The following PDE10A variants were observed in gnomAD, a reference collection of about 807,000 sequenced individuals.
The protein encoded by PDE10A is cAMP and cAMP-inhibited cGMP 3',5'-cyclic phosphodiesterase 10A.
A neutral mutation model predicts 97.7 loss-of-function variants in PDE10A; 39 were observed. The observed-to-expected ratio is 0.40, with a 90% confidence interval of 0.31 to 0.52. PDE10A has a LOEUF of 0.52. Ranked by LOEUF, PDE10A falls within the 20% of genes least tolerant of loss-of-function variation. The pLI, the probability that PDE10A is intolerant of heterozygous loss-of-function variation, is 0.56. For missense variants in PDE10A, 731 were observed against 1,047.8 expected, an observed-to-expected ratio of 0.70 and a Z score of 4.17; for synonymous variants, 371 against 376.8, an observed-to-expected ratio of 0.98 and a Z score of 0.18.
chr6:165,531,316 C>T (rs9364800), intron 2 of PDE10A, among the ~76,000 whole-genome samples: 104,371 of 150,732 alleles, frequency 0.69, 39,421 homozygotes, highest in Non-Finnish European at 0.83. Context: ...GCAAGCGTTA[C>T]GCACATACTA....
chr6:165,736,798 A>C (rs1792586131), intron 1 of PDE10A, among the ~76,000 whole-genome samples: 1 of 152,230 alleles, frequency 6.6e-6, no homozygotes, highest in Non-Finnish European at 1.5e-5. Flanking sequence ...GGAAGGAAAT[A>C]ATAAAGATCA....
intron 1 of PDE10A, among the ~76,000 whole-genome samples, chr6:165,897,345 A>G (rs1781980311): frequency 6.6e-6 from 1 of 152,038 alleles, no homozygotes; most frequent in South Asian, 2.1e-4. Context: ...CTGGGGAGGG[A>G]TGCCATACAG....
chr6:165,408,139 C>G (rs220770), intron 13 of PDE10A, among the ~76,000 whole-genome samples: 79,927 of 151,972 alleles, frequency 0.53, 21,412 homozygotes, highest in Middle Eastern at 0.69. Context: ...GCTTCTATTA[C>G]GGACACAATA....
intron 13 of PDE10A, among the ~76,000 whole-genome samples, chr6:165,405,083 A>AT (rs3834305): frequency 0.37 from 55,581 of 151,198 alleles, 10,370 homozygotes; most frequent in Middle Eastern, 0.39. Context: ...CTGGGAACAA[A>AT]TTAAAAAAAA....
At chr6:165,410,371 G>C (rs530274213) in intron 13 of PDE10A, among the ~76,000 whole-genome samples, 13 of 152,168 alleles carry the variant, frequency 8.5e-5, no homozygotes, top group Non-Finnish European at 1.5e-4. Context: ...ATTAATGGAA[G>C]CAATTCTTAC....
Position 165,711,416 on chromosome 6 carries a change from G to T in PDE10A, c.-614-167848C>A, listed in dbSNP as rs1190775516. The stretch of plus-strand genomic sequence containing the variant: ...CTAATGCTTGATTCAGAGCCACGGA[G>T]ACCAGAAATTCATGTTAGCTAGAAC... On this transcript the variant is annotated intron_variant, in intron 1 of 19. Transcript: ENST00000366882. This position sits in a 1 kb window ranked among gnomAD's most constrained non-coding sequence, Gnocchi z 4.5. Among the ~76,000 whole-genome samples, 1 of 152,166 alleles carries T rather than the reference G, an allele frequency of 6.6e-6. No homozygotes were observed. Among genetic ancestry groups the T allele is most frequent in the Non-Finnish European group, 1.5e-5 (1 of 68,046 alleles).
intron 1 of PDE10A, among the ~76,000 whole-genome samples, chr6:165,962,985 C>T (rs1231256104): frequency 5.3e-5 from 8 of 152,220 alleles, no homozygotes; most frequent in South Asian, 2.1e-4. Context: ...CACCCACACG[C>T]GTGGTTGTAA....
chr6:165,625,958 G>A (rs1438327570), intron 1 of PDE10A, among the ~76,000 whole-genome samples: 1 of 152,180 alleles, frequency 6.6e-6, no homozygotes, highest in Admixed American at 6.5e-5. Context: ...ATCAACTTGT[G>A]AGTTATCAGT....
At chr6:165,683,389 T>A (rs117361512) in intron 1 of PDE10A, among the ~76,000 whole-genome samples, 1,702 of 152,042 alleles carry the variant, frequency 0.011, 11 homozygotes, top group Non-Finnish European at 0.015. Context: ...CAACAAAAAG[T>A]GTGTGTGCAG....
intron 1 of PDE10A, among the ~76,000 whole-genome samples, chr6:165,763,216 T>C (rs1227345489): frequency 1.3e-5 from 2 of 152,200 alleles, no homozygotes; most frequent in African/African-American, 4.8e-5. Context: ...TCATCAACCC[T>C]CTGTGGTGCC....
At chr6:165,818,120 C>T (rs904768611) in intron 1 of PDE10A, among the ~76,000 whole-genome samples, 1 of 152,218 alleles carries the variant, frequency 6.6e-6, no homozygotes, top group African/African-American at 2.4e-5. Flanking sequence ...TGAAAGGACA[C>T]AGATCCTGCT....
chr6:165,664,086 A>C (rs951044579), upstream of PDE10A, among the ~76,000 whole-genome samples: 13 of 152,102 alleles, frequency 8.5e-5, no homozygotes, highest in Non-Finnish European at 1.5e-4. Flanking sequence ...GGCTGTCCGG[A>C]CTGCCTGGAC....
At chr6:165,742,947 C>T (rs982609606) in intron 1 of PDE10A, among the ~76,000 whole-genome samples, 13 of 152,198 alleles carry the variant, frequency 8.5e-5, no homozygotes, top group African/African-American at 2.9e-4. Context: ...ACTGATGCTC[C>T]TCCTGATGAG....
At chr6:165,417,329 C>T (rs180734634) in intron 11 of PDE10A, among the ~76,000 whole-genome samples, 4 of 151,900 alleles carry the variant, frequency 2.6e-5, no homozygotes, top group African/African-American at 9.7e-5. Flanking sequence ...TGCTTCTTTG[C>T]GTTGGTCTGA....
chr6:165,734,100 A>T (rs1209023414), intron 1 of PDE10A, among the ~76,000 whole-genome samples: 1 of 152,228 alleles, frequency 6.6e-6, no homozygotes, highest in Non-Finnish European at 1.5e-5. Context: ...AGAAGGACCC[A>T]TCTGCTGGAA....
intron 1 of PDE10A, among the ~76,000 whole-genome samples, chr6:165,553,488 TA>T (rs1213796430): frequency 1.3e-5 from 2 of 152,318 alleles, no homozygotes; most frequent in African/African-American, 4.8e-5. Context: ...ATATATCACC[TA>T]AAATCATTTC....
intron 1 of PDE10A, among the ~76,000 whole-genome samples, chr6:165,755,406 G>C (rs1358874711): frequency 1.3e-5 from 2 of 152,218 alleles, no homozygotes; most frequent in Admixed American, 6.5e-5. Flanking sequence ...CTGGGGAAAT[G>C]TCTTTGAAAT....
chr6:165,746,385 C>T (rs555259410), intron 1 of PDE10A, among the ~76,000 whole-genome samples: 1 of 152,304 alleles, frequency 6.6e-6, no homozygotes, highest in South Asian at 2.1e-4. Context: ...GCACAGAATC[C>T]TGGGAATAGC....
chr6:165,758,720 TGAG>T (rs1435818452), intron 1 of PDE10A, among the ~76,000 whole-genome samples: 2 of 145,002 alleles, frequency 1.4e-5, no homozygotes, highest in East Asian at 2.1e-4. Flanking sequence ...GGGAGGAGGA[TGAG>T]GAGGAGGAGG....
Sources: allele counts gnomAD v4.1 joint callset (sites outside exome capture counted in the v4.1 genomes callset), GRCh38; gene constraint gnomAD v4.1.1; non-coding constraint Gnocchi (gnomAD v3.1); transcripts MANE v1.5; gene names NCBI Gene and HGNC (gene_info 2026-07-23, HGNC 2026-07-21).